UACA: variants seen among roughly 807,000 people sequenced by gnomAD.
UACA encodes nuclear membrane binding protein.
A neutral mutation model predicts 160.5 loss-of-function variants in UACA; 112 were observed. The observed-to-expected ratio is 0.70, with a 90% confidence interval of 0.60 to 0.82. The LOEUF is 0.82. Among genes scored for constraint, UACA ranks in the 40% least tolerant of loss-of-function variants. UACA has a pLI of 0.00. For synonymous variants in UACA, 557 were observed against 568.4 expected, an observed-to-expected ratio of 0.98 and a Z score of 0.29; for missense variants, 1,574 against 1,614.6, an observed-to-expected ratio of 0.97 and a Z score of 0.43.
rs548543906 is a variant in UACA, at chr15:70,689,141, G to A, written c.424+1313C>T. ...TCCTCCTTCCTGCTAGCTAGAATAC[G>A]GCTACGACCACAACTCTGCTTCAAC... On this transcript the variant is annotated intron_variant, in intron 5 of 18. Coordinates refer to ENST00000322954, the MANE Select transcript of UACA (RefSeq NM_018003.4). Among the ~76,000 whole-genome samples, 149 of 152,142 alleles carry A rather than the reference G, an allele frequency of 9.8e-4. 2 individuals are homozygous for A. The South Asian group carries it at 0.012, about 12-fold the overall frequency.
chr15:70,700,303 A>G (rs989651648), intron 1 of UACA, among the ~76,000 whole-genome samples: 1 of 134,018 alleles, frequency 7.5e-6, no homozygotes, highest in South Asian at 2.2e-4. Flanking sequence ...GGCAAATTGT[A>G]TATATATATA....
At chr15:70,764,842 T>A (rs2030964658), upstream of UACA, among the ~76,000 whole-genome samples, 2 of 152,194 alleles carry the variant, frequency 1.3e-5, no homozygotes, top group East Asian at 3.9e-4. Context: ...CTTTAAAGTG[T>A]CTGTGTATGG....
intron 7 of UACA, among the ~76,000 whole-genome samples, chr15:70,685,813 C>T (rs1408454541): frequency 1.3e-5 from 2 of 151,844 alleles, no homozygotes; most frequent in African/African-American, 2.4e-5. Flanking sequence ...ACAAGAGTCT[C>T]GCTCTGTTGC....
At chr15:70,676,656 T>C (rs1210895914) in intron 12 of UACA, 65 bp from the exon 13 acceptor site, 3 of 1,394,982 alleles carry the variant, frequency 2.2e-6, no homozygotes, top group Non-Finnish European at 3.0e-6. Context: ...AAAAATGTGT[T>C]TTAGAAAACG....
chr15:70,689,800 A>G lies in UACA; in HGVS notation c.424+654T>C, dbSNP rs555633070. ...GTACTTTCTTTAAGACACCTAAAGA[A>G]TAATGCAAATAAATTTAGACACACA... On this transcript the variant is annotated intron_variant, in intron 5 of 18. Coordinates refer to ENST00000322954, the MANE Select transcript of UACA (RefSeq NM_018003.4). Among the ~76,000 whole-genome samples the G allele has an allele frequency of 4.6e-5, 7 of 152,280 alleles. No homozygotes were observed. In the South Asian group the frequency reaches 1.4e-3, roughly 32 times the overall value.
At chr15:70,721,519 C>T (rs1364530603) in intron 1 of UACA, among the ~76,000 whole-genome samples, 3 of 151,426 alleles carry the variant, frequency 2.0e-5, no homozygotes, top group African/African-American at 7.3e-5. Flanking sequence ...TCCAGCTACT[C>T]GGGAGGCTGA....
At position 70,656,133 on chromosome 15, in the gene UACA, T is replaced by A. The variant is rs1402019838; in HGVS notation, c.*923A>T. The A allele has an allele frequency of 1.3e-5, 2 of 152,224 alleles. No individual in the cohort carries two copies. Among genetic ancestry groups the A allele is most frequent in the Non-Finnish European group, 2.9e-5 (2 of 68,040 alleles). 9.4% of individuals were successfully genotyped at this position (152,224 alleles called of 1,614,324 possible). A position where few individuals can be genotyped will look rare whatever the true frequency, so the allele number is the denominator to read the frequency against. On this transcript the variant is annotated 3_prime_UTR_variant, in exon 19 of 19. Coordinates refer to ENST00000322954, the MANE Select transcript of UACA (RefSeq NM_018003.4). ...TAAAATCAATTCTCTAATGCTAATTTTGCAGGAAAACTGTATTTCACATTA... is the reference window on the plus strand; with the variant it reads ...TAAAATCAATTCTCTAATGCTAATTATGCAGGAAAACTGTATTTCACATTA...
chr15:70,661,342 TCTAA>T (rs977572144), intron 17 of UACA: 2 of 152,206 alleles, frequency 1.3e-5, no homozygotes, highest in African/African-American at 4.8e-5. Flanking sequence ...ATTTTGCCTC[TCTAA>T]CTACCCAGAA....
At chr15:70,708,827 T>C (rs1301083646) in intron 1 of UACA, among the ~76,000 whole-genome samples, 1 of 152,196 alleles carries the variant, frequency 6.6e-6, no homozygotes, top group Admixed American at 6.5e-5. Context: ...AATCAGGGGT[T>C]TGTGAGTATA....
the UACA span, among the ~76,000 whole-genome samples, chr15:70,771,085 C>T: frequency 2.0e-5 from 3 of 152,218 alleles, no homozygotes; most frequent in African/African-American, 4.8e-5. Flanking sequence ...GGTAGCTGTG[C>T]GGTCTATGCC....
At position 70,669,278 on chromosome 15, in the gene UACA, T is replaced by G; in HGVS notation, c.1406A>C (p.His469Pro). The change falls in exon 16 of 19, where the codon CAC becomes CCC. Residue 469 changes from histidine to proline, a missense_variant. His to Pro is a moderately conservative substitution (Grantham distance 77). Transcript: ENST00000322954. ...DRLKLQNELA[H>P]KVAECKALAL... is the part of the protein sequence containing the mutation. ...TAAAGCTTTGCATTCTGCCACTTTG[T>G]GTGCCAGTTCATTTTGGAGCTTCAG... 1.2e-6 allele frequency: 2 copies of G among 1,614,108 alleles called. No homozygotes were observed. The highest frequency in any genetic ancestry group is 1.7e-6 in the Non-Finnish European group (2 of 1,179,980).
Position 70,668,548 on chromosome 15 carries a change from ATTTTTCAATG to A in UACA, c.2126_2135del (p.Thr709IlefsTer25), listed in dbSNP as rs1897019058. ...TTTCAATTTCCTTTTGTAGTGTCTG[ATTTTTCAATG>A]TTAACTCAGTGATCTTCTTCCCAAG... On this transcript the variant is annotated frameshift_variant, in exon 16 of 19. Coordinates refer to ENST00000322954, the MANE Select transcript of UACA (RefSeq NM_018003.4). LOFTEE classifies it high-confidence loss of function. The A allele has an allele frequency of 2.5e-6, 4 of 1,611,818 alleles. No homozygotes were observed. The highest frequency in any genetic ancestry group is 3.4e-6 in the Non-Finnish European group (4 of 1,179,694).
At chr15:70,738,455 C>T (rs1279392790) in intron 1 of UACA, among the ~76,000 whole-genome samples, 1 of 151,990 alleles carries the variant, frequency 6.6e-6, no homozygotes, top group Non-Finnish European at 1.5e-5. Context: ...GTAGGAAGTT[C>T]TTTTAAAACA....
rs534532667 is a variant in UACA, at chr15:70,681,371, T to TA, written c.822+1386dup. Among the ~76,000 whole-genome samples the TA allele has an allele frequency of 3.8e-3, 559 of 145,354 alleles. 2 individuals are homozygous for TA. The highest frequency in any genetic ancestry group is 9.3e-3 in the Admixed American group (135 of 14,488). On this transcript the variant is annotated intron_variant, in intron 9 of 18. Coordinates refer to ENST00000322954, the MANE Select transcript of UACA (RefSeq NM_018003.4). ...ACAGAGATTACATGTGCCTTAGTAT[T>TA]AAAAAAAAAAAGTCCTATTTACAGC...
At chr15:70,771,706 G>T in the UACA span, among the ~76,000 whole-genome samples, 2 of 152,228 alleles carry the variant, frequency 1.3e-5, no homozygotes, top group African/African-American at 4.8e-5. Context: ...ATTGTAGATT[G>T]GGTAGTTGAG....
intron 1 of UACA, among the ~76,000 whole-genome samples, chr15:70,727,255 G>A (rs1899173366): frequency 6.6e-6 from 1 of 152,072 alleles, no homozygotes; most frequent in African/African-American, 2.4e-5. Context: ...GGCATATTTT[G>A]GGGAGAAGAG....
Position 70,664,559 on chromosome 15 carries a change from C to T in UACA, c.4113+103G>A, listed in dbSNP as rs183630006. On this transcript the variant is annotated intron_variant, in intron 17 of 18. Coordinates refer to ENST00000322954, the MANE Select transcript of UACA (RefSeq NM_018003.4). ...ATAAAAATAATTATATTCTTGGATCCGAACATAGCTACAGAGCACTTTAAT... is the reference window on the plus strand; with the variant it reads ...ATAAAAATAATTATATTCTTGGATCTGAACATAGCTACAGAGCACTTTAAT... 19 of 1,347,436 alleles carry T rather than the reference C, an allele frequency of 1.4e-5. No homozygotes were observed. The South Asian group carries it at 1.6e-4, about 12-fold the overall frequency. The allele number at this position is 1,347,436 out of a possible 1,614,324, so 83.5% of individuals were successfully genotyped here.
At chr15:70,767,565 G>A (rs1025346971), upstream of UACA, among the ~76,000 whole-genome samples, 11 of 151,438 alleles carry the variant, frequency 7.3e-5, no homozygotes, top group African/African-American at 2.2e-4. Flanking sequence ...TCCAGCCTGG[G>A]TGATAGAGCA....
the UACA span, among the ~76,000 whole-genome samples, chr15:70,774,953 G>A: frequency 1.3e-5 from 2 of 152,040 alleles, no homozygotes; most frequent in African/African-American, 4.8e-5. Flanking sequence ...TACTGGTCGG[G>A]GGAGGCCAAG....
Sources: allele counts gnomAD v4.1 joint callset (sites outside exome capture counted in the v4.1 genomes callset), GRCh38; gene constraint gnomAD v4.1.1; transcripts MANE v1.5; gene names NCBI Gene and HGNC (gene_info 2026-07-23, HGNC 2026-07-21).